SCAI: variants seen among roughly 807,000 people sequenced by gnomAD.
The protein encoded by SCAI is suppressor of cancer cell invasion.
Under a neutral mutation model 92.2 loss-of-function variants are expected in SCAI, and 24 were observed. The observed-to-expected ratio is 0.26, with a 90% CI of 0.19 to 0.37. The LOEUF is 0.37. Ranked by LOEUF, SCAI falls within the 10% of genes least tolerant of loss-of-function variation. The pLI is 1.00. For missense variants in SCAI, 450 were observed against 736.2 expected, an observed-to-expected ratio of 0.61 and a Z score of 4.50; for synonymous variants, 261 against 258.6, an observed-to-expected ratio of 1.01 and a Z score of -0.09.
intron 17 of SCAI, chr9:124,968,357 G>A: frequency 8.4e-7 from 1 of 1,195,240 alleles, no homozygotes; most frequent in Non-Finnish European, 1.2e-6. Context: ...AGGCTTTAGT[G>A]AGCTCTGCAG....
intron 17 of SCAI, among the ~76,000 whole-genome samples, chr9:124,962,680 A>G (rs1379580451): frequency 3.3e-5 from 5 of 152,214 alleles, no homozygotes; most frequent in Non-Finnish European, 5.9e-5. Flanking sequence ...TCTATGGTAC[A>G]TATCAAGCAA....
intron 2 of SCAI, among the ~76,000 whole-genome samples, chr9:125,079,620 T>A (rs1413476794): frequency 1.3e-5 from 2 of 152,146 alleles, no homozygotes; most frequent in African/African-American, 4.8e-5. Flanking sequence ...AACTCATTAG[T>A]TCAAGAATTC....
chr9:125,079,140 C>A (rs139566908), intron 2 of SCAI, among the ~76,000 whole-genome samples: 17 of 151,362 alleles, frequency 1.1e-4, no homozygotes, highest in African/African-American at 3.9e-4. Flanking sequence ...CTCTATTTTC[C>A]TATATAATAA....
chr9:125,021,118 C>T (rs1458520311), intron 6 of SCAI, among the ~76,000 whole-genome samples: 7 of 151,994 alleles, frequency 4.6e-5, no homozygotes, highest in East Asian at 3.9e-4. Flanking sequence ...TACAACACAA[C>T]GGAATAATAT....
intron 15 of SCAI, among the ~76,000 whole-genome samples, chr9:124,975,066 G>A (rs1264877939): frequency 1.3e-5 from 2 of 152,130 alleles, no homozygotes; most frequent in Non-Finnish European, 2.9e-5. Flanking sequence ...AAAAAGTACT[G>A]CTCAGTAACT....
intron 2 of SCAI, among the ~76,000 whole-genome samples, chr9:125,062,865 C>G (rs1415169078): frequency 6.6e-6 from 1 of 151,260 alleles, no homozygotes; most frequent in Non-Finnish European, 1.5e-5. Context: ...ACTAAACATA[C>G]AAAAATTAGC....
chr9:125,092,466 C>A (rs934826310), intron 2 of SCAI, among the ~76,000 whole-genome samples: 9 of 152,072 alleles, frequency 5.9e-5, no homozygotes, highest in South Asian at 2.1e-4. Flanking sequence ...ACAACAACAA[C>A]AAAAAACCAC....
intron 1 of SCAI, 90 bp from the exon 2 acceptor site, chr9:125,142,767 C>T: frequency 8.9e-7 from 1 of 1,122,416 alleles, no homozygotes; most frequent in Non-Finnish European, 1.4e-6. Context: ...ACTAAATAGA[C>T]CACCCTCTGG....
At chr9:125,089,520 A>G (rs1260761566) in intron 2 of SCAI, among the ~76,000 whole-genome samples, 2 of 152,198 alleles carry the variant, frequency 1.3e-5, no homozygotes, top group Non-Finnish European at 2.9e-5. Flanking sequence ...AGATCTATAG[A>G]CCAGCAGCAT....
chr9:125,103,415 T>C (rs1051315536), intron 2 of SCAI, among the ~76,000 whole-genome samples: 14 of 152,144 alleles, frequency 9.2e-5, no homozygotes, highest in African/African-American at 3.1e-4. Flanking sequence ...AATTAAGATT[T>C]TTAATAGTGA....
At chr9:125,140,491 G>GCACTC (rs1835642142) in intron 2 of SCAI, among the ~76,000 whole-genome samples, 1 of 152,140 alleles carries the variant, frequency 6.6e-6, no homozygotes, top group East Asian at 1.9e-4. Context: ...TCACATCACT[G>GCACTC]CACTCCAGTA....
rs1025810916 is a variant in SCAI, at chr9:124,976,271, G to A, written c.1327-85C>T. ...TAATTTTCCAAAGCATATTTTTAGTGTATAGATTGGGCCCTTAAACTCATA... is the reference window on the plus strand; with the variant it reads ...TAATTTTCCAAAGCATATTTTTAGTATATAGATTGGGCCCTTAAACTCATA... On this transcript the variant is annotated intron_variant, in intron 14 of 17. Transcript: ENST00000336505. 26 of 920,120 alleles carry A rather than the reference G, an allele frequency of 2.8e-5. No individual in the cohort carries two copies. In the South Asian group the frequency reaches 3.5e-4, roughly 12 times the overall value. 57.0% of individuals were successfully genotyped at this position (920,120 alleles called of 1,614,324 possible).
chr9:125,027,830 GA>G (rs1259210975), intron 5 of SCAI, among the ~76,000 whole-genome samples: 1 of 152,074 alleles, frequency 6.6e-6, no homozygotes. Context: ...TTGCCTTTTA[GA>G]TTACAAATGG....
chr9:125,065,060 A>G (rs901955035), intron 2 of SCAI, among the ~76,000 whole-genome samples: 2 of 152,234 alleles, frequency 1.3e-5, no homozygotes, highest in African/African-American at 2.4e-5. Flanking sequence ...GGAAATGAAC[A>G]GCCAATAAGA....
chr9:125,108,532 T>G lies in SCAI; in HGVS notation c.98+34101A>C, dbSNP rs961589336. Among the ~76,000 whole-genome samples, 7 of 144,508 alleles carry G rather than the reference T, an allele frequency of 4.8e-5. 1 individual carries two copies. Among genetic ancestry groups the G allele is most frequent in the African/African-American group, 1.8e-4 (7 of 38,284 alleles). 94.8% of individuals were successfully genotyped at this position (144,508 alleles called of 152,430 possible). A position where few individuals can be genotyped will look rare whatever the true frequency, so the allele number is the denominator to read the frequency against. Reference sequence around the variant, plus strand: ...GTCTCTGCCCGGCTGCGACCCCATCTGGGAGGTGAGGAGCGTCTCTGCCCA... The same window carrying G: ...GTCTCTGCCCGGCTGCGACCCCATCGGGGAGGTGAGGAGCGTCTCTGCCCA... On this transcript the variant is annotated intron_variant, in intron 2 of 17. Coordinates refer to ENST00000336505, the MANE Select transcript of SCAI (RefSeq NM_001144877.3).
intron 14 of SCAI, among the ~76,000 whole-genome samples, chr9:124,994,181 C>T (rs746478456): frequency 4.0e-5 from 6 of 151,886 alleles, no homozygotes; most frequent in Non-Finnish European, 7.4e-5. Flanking sequence ...ATTACAGGCA[C>T]GCACCACCAC....
intron 3 of SCAI, among the ~76,000 whole-genome samples, chr9:125,049,109 T>A (rs1258153032): frequency 6.6e-6 from 1 of 151,556 alleles, no homozygotes; most frequent in Non-Finnish European, 1.5e-5. Context: ...CACTTCACTT[T>A]GGGGCACCTC....
chr9:125,055,860 C>T lies in SCAI; in HGVS notation c.230+16G>A, dbSNP rs759358652. The T allele has an allele frequency of 1.9e-6, 3 of 1,579,418 alleles. No homozygotes were observed. Among genetic ancestry groups the T allele is most frequent in the Non-Finnish European group, 2.6e-6 (3 of 1,167,852 alleles). On this transcript the variant is annotated intron_variant, in intron 3 of 17. Coordinates refer to ENST00000336505, the MANE Select transcript of SCAI (RefSeq NM_001144877.3). ...CAGAACTAAAGAAAAGTTCAAAACA[C>T]CAAGAGTCCACTCACCTTAACCCAT...
rs1299930738 is a variant in SCAI at position 125,106,096 on chromosome 9, C to CACAAAA, written c.98+36536_98+36537insTTTTGT. On this transcript the variant is annotated intron_variant, in intron 2 of 17. Transcript: ENST00000336505. ...TGCGTGACAGAGTGAGACTCCATCT[C>CACAAAA]AAAAAAAAAAAAAAAAAAAAAAAAA... Among the ~76,000 whole-genome samples, 5 of 18,780 alleles carry CACAAAA rather than the reference C, an allele frequency of 2.7e-4. 1 individual carries two copies. Among genetic ancestry groups the CACAAAA allele is most frequent in the African/African-American group, 1.1e-3 (5 of 4,542 alleles). The allele number at this position is 18,780 out of a possible 152,430, so 12.3% of individuals were successfully genotyped here.
Sources: allele counts gnomAD v4.1 joint callset (sites outside exome capture counted in the v4.1 genomes callset), GRCh38; gene constraint gnomAD v4.1.1; transcripts MANE v1.5; gene names NCBI Gene and HGNC (gene_info 2026-07-23, HGNC 2026-07-21).